RPTOR: variants seen among roughly 807,000 people sequenced by gnomAD.
RPTOR encodes the protein regulatory-associated protein of mTOR.
Under a neutral mutation model 169.9 loss-of-function variants are expected in RPTOR, and 21 were observed. That is an observed-to-expected ratio of 0.12 (90% CI 0.09 to 0.18). The LOEUF is 0.18. Among genes scored for constraint, RPTOR ranks in the 10% least tolerant of loss-of-function variants. RPTOR has a pLI of 1.00. For missense variants in RPTOR, 1,133 were observed against 1,855.9 expected, an observed-to-expected ratio of 0.61 and a Z score of 7.16; for synonymous variants, 732 against 753.2, an observed-to-expected ratio of 0.97 and a Z score of 0.46.
At chr17:80,890,694 A>G (rs1422335881) in intron 17 of RPTOR, among the ~76,000 whole-genome samples, 1 of 152,188 alleles carries the variant, frequency 6.6e-6, no homozygotes, top group Non-Finnish European at 1.5e-5. Context: ...GCAGGTGAAG[A>G]GCCGGCAGCT....
chr17:80,689,255 A>G (rs1048469618), intron 3 of RPTOR, among the ~76,000 whole-genome samples: 3 of 152,242 alleles, frequency 2.0e-5, no homozygotes, highest in African/African-American at 4.8e-5. Context: ...CCTTGGCAAC[A>G]TTATTCCTAG....
chr17:80,947,126 G>A lies in RPTOR; in HGVS notation c.3141-101G>A. 8.2e-7 allele frequency: 1 copy of A among 1,216,148 alleles called. No homozygotes were observed. The allele number at this position is 1,216,148 out of a possible 1,614,324, so 75.3% of individuals were successfully genotyped here. On this transcript the variant is annotated intron_variant, in intron 26 of 33. Transcript: ENST00000306801. This position sits in a 1 kb window ranked among gnomAD's most constrained non-coding sequence, Gnocchi z 4.4. The stretch of plus-strand genomic sequence containing the variant: ...GCCGCCGTGCCCGGCTGTGGTGTGT[G>A]GTTTTTTGATAGCAGCCCGGTGGGT...
At chr17:80,841,387 G>A (rs1202087283) in intron 10 of RPTOR, among the ~76,000 whole-genome samples, 2 of 106,480 alleles carry the variant, frequency 1.9e-5, no homozygotes, top group Non-Finnish European at 3.7e-5. Flanking sequence ...TCACCGCACG[G>A]CAGCTCACAC....
Position 80,861,203 on chromosome 17 carries a change from A to G in RPTOR, c.1509+3303A>G, listed in dbSNP as rs951130826. 6.9e-6 allele frequency among the ~76,000 whole-genome samples: 1 copy of G among 144,738 alleles called. No homozygotes were observed. Among genetic ancestry groups the G allele is most frequent in the African/African-American group, 2.4e-5 (1 of 40,900 alleles). 95.0% of individuals were successfully genotyped at this position (144,738 alleles called of 152,430 possible). On this transcript the variant is annotated intron_variant, in intron 13 of 33. Transcript: ENST00000306801. The surrounding 1 kb of genome is among the most constrained non-coding windows in gnomAD (Gnocchi z 4.5). ...CAAGTCATTTTCACTTCCCTTGGCC[A>G]TGATTTGCCTCTGTAAAATCATGAG...
intron 9 of RPTOR, among the ~76,000 whole-genome samples, chr17:80,833,056 G>A (rs1190312712): frequency 6.6e-6 from 1 of 152,060 alleles, no homozygotes; most frequent in African/African-American, 2.4e-5. Context: ...AATTTCAGGG[G>A]TCCTGAAACC....
intron 24 of RPTOR, among the ~76,000 whole-genome samples, chr17:80,930,922 A>C (rs943058799): frequency 6.6e-6 from 1 of 152,236 alleles, no homozygotes; most frequent in Non-Finnish European, 1.5e-5. Context: ...ATTACTGCTG[A>C]GTGTTAAACA....
chr17:80,576,695 T>C (rs953367366), intron 1 of RPTOR, among the ~76,000 whole-genome samples: 2 of 152,184 alleles, frequency 1.3e-5, no homozygotes, highest in Non-Finnish European at 2.9e-5. Context: ...GAAAATATCT[T>C]TTTTGTTTGT....
In RPTOR at chr17:80,892,772, C is replaced by G. The variant is rs1256074447; in HGVS notation, c.2145C>G (p.Pro715=). The change falls in exon 19 of 34, where the codon CCC becomes CCG. Residue 715 remains proline, a synonymous_variant. Transcript: ENST00000306801. ...LTPVRDSPCT[P]RLRSVSSYGN... ...CAGTGCGAGACAGCCCGTGCACCCC[C>G]AGACTTCGTTCTGTGAGCTCCTATG... 1 of 1,614,218 alleles carries G rather than the reference C, an allele frequency of 6.2e-7. No individual in the cohort carries two copies. Among genetic ancestry groups the G allele is most frequent in the Non-Finnish European group, 8.5e-7 (1 of 1,180,034 alleles).
At chr17:80,879,381 T>TCCCCTG (rs1555630327) in intron 13 of RPTOR, among the ~76,000 whole-genome samples, 3 of 143,300 alleles carry the variant, frequency 2.1e-5, no homozygotes, top group South Asian at 2.3e-4. Flanking sequence ...TGCTTGCCCT[T>TCCCCTG]CCCCTGCCCC....
chr17:80,627,737 A>G (rs1394478963), intron 2 of RPTOR, among the ~76,000 whole-genome samples: 1 of 152,208 alleles, frequency 6.6e-6, no homozygotes, highest in Non-Finnish European at 1.5e-5. Context: ...GCAATTATGA[A>G]TAAAATTGCT....
intron 13 of RPTOR, among the ~76,000 whole-genome samples, chr17:80,866,293 T>C (rs1247566020): frequency 6.6e-6 from 1 of 152,032 alleles, no homozygotes; most frequent in Non-Finnish European, 1.5e-5. Context: ...TGGACCCAGC[T>C]CTGAACAGTG....
intron 14 of RPTOR, among the ~76,000 whole-genome samples, chr17:80,881,682 G>A (rs1355599138): frequency 4.6e-5 from 7 of 152,188 alleles, no homozygotes; most frequent in Non-Finnish European, 8.8e-5. Flanking sequence ...TTTGTCTGGC[G>A]TTGTGGCACA....
chr17:80,962,563 G>A lies in RPTOR; in HGVS notation c.3795G>A (p.Ala1265=), dbSNP rs777256656. 2.9e-5 allele frequency: 47 copies of A among 1,613,262 alleles called. No homozygotes were observed. Among genetic ancestry groups the A allele is most frequent in the Non-Finnish European group, 3.6e-5 (42 of 1,179,764 alleles). The part of the protein sequence containing the change: ...GLTALDIHPQ[A]DLIACGSVNQ... Reference sequence around the variant, plus strand: ...CGGCCCTGGACATCCACCCCCAGGCGGACCTGATCGCATGGTAGGCGCCAC... The same window carrying A: ...CGGCCCTGGACATCCACCCCCAGGCAGACCTGATCGCATGGTAGGCGCCAC... The change falls in exon 32 of 34, where the codon GCG becomes GCA. Residue 1265 remains alanine, a synonymous_variant. Transcript: ENST00000306801.
chr17:80,700,629 CGGCGATGATGGTGGT>C (rs1567864475), intron 3 of RPTOR, among the ~76,000 whole-genome samples: 3 of 21,576 alleles, frequency 1.4e-4, no homozygotes, highest in Admixed American at 5.9e-4. Flanking sequence ...GTGGTGGTGG[CGGCGATGATGGTGGT>C]GGTGATGGTA....
intron 5 of RPTOR, among the ~76,000 whole-genome samples, chr17:80,741,273 G>GT (rs1393838556): frequency 6.6e-6 from 1 of 152,188 alleles, no homozygotes; most frequent in Non-Finnish European, 1.5e-5. Flanking sequence ...CTCCCTGGCA[G>GT]TGTGGGGGCC....
chr17:80,934,248 C>CT (rs1253836337), intron 24 of RPTOR, among the ~76,000 whole-genome samples: 2 of 150,148 alleles, frequency 1.3e-5, no homozygotes, highest in African/African-American at 2.5e-5. Flanking sequence ...TGCATAAACT[C>CT]TAAAATTTAG....
At chr17:80,940,474 T>C in intron 24 of RPTOR, 22 bp from the exon 25 acceptor site, 1 of 1,602,506 alleles carries the variant, frequency 6.2e-7, no homozygotes, top group Non-Finnish European at 8.5e-7. Flanking sequence ...TGGGCTTAAC[T>C]GGGTGTTTTC....
chr17:80,846,540 G>A lies in RPTOR; in HGVS notation c.1280G>A (p.Arg427Gln), dbSNP rs1284870590. 2 of 1,614,206 alleles carry A rather than the reference G, an allele frequency of 1.2e-6. No individual in the cohort carries two copies. Among genetic ancestry groups the A allele is most frequent in the South Asian group, 1.1e-5 (1 of 91,086 alleles). ...TGGCTCACCATGGGCGTGGAGAACC[G>A]AAACCCACCCGAACAGCTGCCCATC... is the stretch of plus-strand genomic sequence containing the variant. Reference protein sequence around the residue: ...QVWLTMGVENRNPPEQLPIVL... With the variant: ...QVWLTMGVENQNPPEQLPIVL... Residue 427 changes from arginine to glutamine, a missense_variant, in exon 11 of 34, where the codon CGA (arginine) becomes CAA (glutamine). By Grantham distance (43) the Arg-to-Gln change is conservative (BLOSUM62 1). Coordinates refer to ENST00000306801, the MANE Select transcript of RPTOR (RefSeq NM_020761.3).
At position 80,649,169 on chromosome 17, in the gene RPTOR, G is replaced by A. The variant is rs191731858; in HGVS notation, c.348+5359G>A. Among the ~76,000 whole-genome samples the A allele has an allele frequency of 2.0e-5, 3 of 152,318 alleles. No homozygotes were observed. In the East Asian group the frequency reaches 5.8e-4, roughly 29 times the overall value. ...GGATAATCGGGGAAGAAGCAGCTAA[G>A]TTGCCCTAGGACAGTACTCCACACC... On this transcript the variant is annotated intron_variant, in intron 3 of 33. Coordinates refer to ENST00000306801, the MANE Select transcript of RPTOR (RefSeq NM_020761.3).
Sources: gnomAD v4.1 joint callset for allele counts (sites outside exome capture counted in the v4.1 genomes callset) on GRCh38, gnomAD v4.1.1 for gene constraint, Gnocchi (gnomAD v3.1) non-coding constraint, MANE v1.5 for transcripts, NCBI Gene and HGNC (gene_info 2026-07-23, HGNC 2026-07-21) for gene names.